The following SLC35F3 variants were observed in gnomAD, a reference collection of about 807,000 sequenced individuals.
SLC35F3 encodes the protein putative thiamine transporter SLC35F3.
Under a neutral mutation model 49.9 loss-of-function variants are expected in SLC35F3, and 25 were observed. The observed-to-expected ratio is 0.50, with a 90% CI of 0.37 to 0.70. The LOEUF (loss-of-function observed/expected upper bound fraction) is 0.70. SLC35F3 is among the 30% of genes least tolerant of loss of function. The probability of loss-of-function intolerance (pLI) is 0.00; values close to 1 mark genes in which losing one functional copy is unlikely to be tolerated. For synonymous variants in SLC35F3, 275 were observed against 265.4 expected, an observed-to-expected ratio of 1.04 and a Z score of -0.35; for missense variants, 525 against 639.8, an observed-to-expected ratio of 0.82 and a Z score of 1.94.
intron 2 of SLC35F3, among the ~76,000 whole-genome samples, chr1:234,188,590 C>G (rs976385107): frequency 5.9e-5 from 9 of 152,132 alleles, no homozygotes; most frequent in African/African-American, 2.2e-4. Context: ...GCCGTGCCCC[C>G]ACCTGATGGT....
At chr1:234,053,783 T>C (rs1664413662) in intron 2 of SLC35F3, among the ~76,000 whole-genome samples, 1 of 152,204 alleles carries the variant, frequency 6.6e-6, no homozygotes, top group African/African-American at 2.4e-5. Flanking sequence ...CTGGTACCAT[T>C]TGTTCCTTTC....
chr1:234,108,234 T>TTATATATATAAAAGATATATATATG (rs1558231280), intron 2 of SLC35F3, among the ~76,000 whole-genome samples: 2 of 114,814 alleles, frequency 1.7e-5, no homozygotes, highest in East Asian at 4.1e-4. Flanking sequence ...ATATATATAT[T>TTATATATATAAAAGATATATATATG]TATATATATA....
intron 3 of SLC35F3, among the ~76,000 whole-genome samples, chr1:234,232,212 G>C (rs1396127781): frequency 6.6e-6 from 1 of 152,122 alleles, no homozygotes; most frequent in Non-Finnish European, 1.5e-5. Flanking sequence ...CCCCCTTCGC[G>C]TATGTAATTG....
intron 3 of SLC35F3, among the ~76,000 whole-genome samples, chr1:234,267,501 C>A (rs1405658382): frequency 1.4e-5 from 2 of 139,348 alleles, no homozygotes; most frequent in Non-Finnish European, 3.1e-5. Context: ...GCTGGCCGGG[C>A]GGGGGGCTGA....
chr1:234,282,418 G>C (rs1668343532), intron 3 of SLC35F3, among the ~76,000 whole-genome samples: 1 of 152,194 alleles, frequency 6.6e-6, no homozygotes, highest in South Asian at 2.1e-4. Context: ...GCCTGGGTCT[G>C]ACCTCAGAAG....
chr1:234,077,781 C>A (rs1388009135), intron 2 of SLC35F3, among the ~76,000 whole-genome samples: 2 of 150,648 alleles, frequency 1.3e-5, no homozygotes, highest in Non-Finnish European at 2.9e-5. Flanking sequence ...AACAGCGACC[C>A]CTCTCAATTC....
chr1:234,011,550 C>CGTA (rs1407965167), intron 2 of SLC35F3, among the ~76,000 whole-genome samples: 8 of 152,148 alleles, frequency 5.3e-5, no homozygotes, highest in Non-Finnish European at 1.5e-5. Flanking sequence ...GCAAGGCATA[C>CGTA]TCACGCACAC....
rs1664446118 is a variant in SLC35F3 at position 234,055,656 on chromosome 1, CCA to C, written c.283+149900_283+149901del. Among the ~76,000 whole-genome samples, 6 of 152,308 alleles carry C rather than the reference CCA, an allele frequency of 3.9e-5. No homozygotes were observed. In the South Asian group the frequency reaches 1.2e-3, roughly 32 times the overall value. On this transcript the variant is annotated intron_variant, in intron 2 of 7. Transcript: ENST00000366618. ...TCAGCTCATGCTCCAGGGGCTGCACCCACTGTCTGACAAGCCCCAGTGAGATG... is the reference window on the plus strand; with the variant it reads ...TCAGCTCATGCTCCAGGGGCTGCACCCTGTCTGACAAGCCCCAGTGAGATG...
At chr1:234,210,585 CT>C (rs1667033792) in intron 2 of SLC35F3, among the ~76,000 whole-genome samples, 1 of 152,200 alleles carries the variant, frequency 6.6e-6, no homozygotes, top group African/African-American at 2.4e-5. Flanking sequence ...CATTTTGCCC[CT>C]GCCCTAGAGA....
chr1:233,924,062 A>AT (rs1662112790), intron 2 of SLC35F3, among the ~76,000 whole-genome samples: 1 of 152,062 alleles, frequency 6.6e-6, no homozygotes, highest in Non-Finnish European at 1.5e-5. Context: ...TTTATTGAGG[A>AT]TTTTTGCATC....
At chr1:234,113,692 G>A (rs1025062288) in intron 2 of SLC35F3, among the ~76,000 whole-genome samples, 2 of 151,942 alleles carry the variant, frequency 1.3e-5, no homozygotes, top group African/African-American at 4.8e-5. Flanking sequence ...GATGAAACCC[G>A]TCTCCACTAA....
intron 7 of SLC35F3, among the ~76,000 whole-genome samples, chr1:234,321,586 G>T (rs1657621064): frequency 6.6e-6 from 1 of 152,198 alleles, no homozygotes; most frequent in South Asian, 2.1e-4. Flanking sequence ...CAGAAGGCGT[G>T]CTCCAGTTGT....
At chr1:234,028,862 A>G (rs1384337195) in intron 2 of SLC35F3, among the ~76,000 whole-genome samples, 1 of 152,102 alleles carries the variant, frequency 6.6e-6, no homozygotes, top group Non-Finnish European at 1.5e-5. Flanking sequence ...TCAGGAGCTT[A>G]AGTAGCATGG....
At chr1:234,122,289 T>G (rs12143142) in intron 2 of SLC35F3, among the ~76,000 whole-genome samples, 28,070 of 152,250 alleles carry the variant, frequency 0.18, 3,328 homozygotes, top group Non-Finnish European at 0.27. Context: ...ATCTGAAAAC[T>G]TTGACGTCTG....
At chr1:234,136,748 C>G (rs1665818416) in intron 2 of SLC35F3, among the ~76,000 whole-genome samples, 1 of 152,218 alleles carries the variant, frequency 6.6e-6, no homozygotes, top group Non-Finnish European at 1.5e-5. Flanking sequence ...GTCTGAGGTT[C>G]AGGCCAGGTG....
At chr1:234,047,963 A>G (rs12143859) in intron 2 of SLC35F3, among the ~76,000 whole-genome samples, 48,134 of 152,028 alleles carry the variant, frequency 0.32, 9,445 homozygotes, top group Non-Finnish European at 0.45. Context: ...TATGGACAAT[A>G]CCTATACCAT....
At chr1:234,085,402 G>A (rs1184801960) in intron 2 of SLC35F3, among the ~76,000 whole-genome samples, 1 of 152,134 alleles carries the variant, frequency 6.6e-6, no homozygotes, top group Non-Finnish European at 1.5e-5. Context: ...ATTGGTTTTT[G>A]TTTCCTAAGT....
chr1:233,976,118 G>A (rs1663076216), intron 2 of SLC35F3, among the ~76,000 whole-genome samples: 2 of 152,308 alleles, frequency 1.3e-5, no homozygotes, highest in Admixed American at 1.3e-4. Context: ...GAAAGACAGA[G>A]GAGGAGGAGA....
At chr1:233,956,342 A>T (rs1272562301) in intron 2 of SLC35F3, among the ~76,000 whole-genome samples, 2 of 152,102 alleles carry the variant, frequency 1.3e-5, no homozygotes, top group Non-Finnish European at 2.9e-5. Flanking sequence ...CACACATGCA[A>T]CTAACCAGGT....
Sources: allele counts gnomAD v4.1 joint callset (sites outside exome capture counted in the v4.1 genomes callset), GRCh38; gene constraint gnomAD v4.1.1; transcripts MANE v1.5; gene names NCBI Gene and HGNC (gene_info 2026-07-23, HGNC 2026-07-21).